The following PRKG1 variants were observed in gnomAD, a reference collection of about 807,000 sequenced individuals.
PRKG1 encodes the protein protein kinase cGMP-dependent 1, also known as cGMP-dependent protein kinase 1.
PRKG1 carries 35 observed loss-of-function variants against 88.1 expected under a neutral mutation model. That is an observed-to-expected ratio of 0.40 (90% CI 0.30 to 0.53). The LOEUF (loss-of-function observed/expected upper bound fraction) is 0.53, where lower values mean the gene tolerates loss of function less well. Ranked by LOEUF, PRKG1 falls within the 20% of genes least tolerant of loss-of-function variation. The pLI is 0.59. For missense variants in PRKG1, 540 were observed against 839.8 expected, an observed-to-expected ratio of 0.64 and a Z score of 4.41; for synonymous variants, 303 against 292.5, an observed-to-expected ratio of 1.04 and a Z score of -0.37.
intron 2 of PRKG1, among the ~76,000 whole-genome samples, chr10:51,424,532 T>A (rs947529255): frequency 1.5e-4 from 23 of 152,152 alleles, no homozygotes; most frequent in African/African-American, 5.3e-4. Context: ...AAGACTGCTT[T>A]GGAGGGTAGC....
chr10:51,003,145 T>C (rs955877256), intron 1 of PRKG1, among the ~76,000 whole-genome samples: 1 of 151,946 alleles, frequency 6.6e-6, no homozygotes. Context: ...TGGGTATGCT[T>C]TCTCGTGTCT....
intron 7 of PRKG1, among the ~76,000 whole-genome samples, chr10:52,068,202 CAAAAAAA>C (rs71032621): frequency 2.6e-5 from 1 of 38,848 alleles, no homozygotes; most frequent in Non-Finnish European, 4.7e-5. Flanking sequence ...AACTCCGTCT[CAAAAAAA>C]AAAAAAAAAA....
chr10:51,169,127 A>G (rs1846628473), intron 2 of PRKG1, among the ~76,000 whole-genome samples: 2 of 152,174 alleles, frequency 1.3e-5, no homozygotes, highest in African/African-American at 4.8e-5. Flanking sequence ...ATGGTTTTAT[A>G]CTGTGCTTAT....
chr10:52,043,503 T>C (rs1564444681), intron 5 of PRKG1, among the ~76,000 whole-genome samples: 1 of 152,054 alleles, frequency 6.6e-6, no homozygotes, highest in Non-Finnish European at 1.5e-5. Flanking sequence ...ATGTGAAATG[T>C]AAAATTTTGT....
At chr10:52,098,934 T>C (rs967741838) in intron 7 of PRKG1, among the ~76,000 whole-genome samples, 10 of 152,196 alleles carry the variant, frequency 6.6e-5, no homozygotes, top group Non-Finnish European at 1.0e-4. Context: ...AATCCAAATG[T>C]AAAGCTGTAT....
At chr10:51,863,149 A>T (rs997536242) in intron 4 of PRKG1, among the ~76,000 whole-genome samples, 1 of 152,164 alleles carries the variant, frequency 6.6e-6, no homozygotes, top group African/African-American at 2.4e-5. Context: ...ATCTCATGCT[A>T]ATCCAGATCA....
intron 2 of PRKG1, among the ~76,000 whole-genome samples, chr10:51,259,767 C>T (rs960134825): frequency 3.3e-5 from 5 of 152,158 alleles, no homozygotes; most frequent in East Asian, 3.9e-4. Flanking sequence ...TGAGCCACCG[C>T]GCCTGGCCCT....
intron 5 of PRKG1, among the ~76,000 whole-genome samples, chr10:52,011,518 CCCCCAACATATA>C (rs1438184810): frequency 6.6e-6 from 1 of 152,110 alleles, no homozygotes; most frequent in Non-Finnish European, 1.5e-5. Context: ...ACATTTATTT[CCCCCAACATATA>C]CCCTGCTTGC....
intron 3 of PRKG1, among the ~76,000 whole-genome samples, chr10:51,664,286 T>G (rs1317480609): frequency 6.6e-6 from 1 of 152,200 alleles, no homozygotes; most frequent in African/African-American, 2.4e-5. Context: ...TTAAGAAGAA[T>G]AATCATTTTT....
intron 4 of PRKG1, among the ~76,000 whole-genome samples, chr10:51,892,536 A>G (rs1295224561): frequency 6.6e-6 from 1 of 152,194 alleles, no homozygotes; most frequent in Non-Finnish European, 1.5e-5. Context: ...TTGGGAGATG[A>G]GAGGTTGAGC....
chr10:52,029,286 C>T (rs1196968750), intron 5 of PRKG1, among the ~76,000 whole-genome samples: 2 of 152,112 alleles, frequency 1.3e-5, no homozygotes, highest in Non-Finnish European at 2.9e-5. Flanking sequence ...AATTTCTTTC[C>T]ATTATAGTTG....
chr10:51,956,712 CCTCT>C (rs10664486), intron 5 of PRKG1, among the ~76,000 whole-genome samples: 1 of 151,470 alleles, frequency 6.6e-6, no homozygotes, highest in Non-Finnish European at 1.5e-5. Context: ...ATATAAAACT[CCTCT>C]CTCTCTTTTT....
intron 2 of PRKG1, among the ~76,000 whole-genome samples, chr10:51,162,123 G>T (rs1211142281): frequency 6.6e-6 from 1 of 152,142 alleles, no homozygotes; most frequent in Non-Finnish European, 1.5e-5. Flanking sequence ...CCTCTAATGA[G>T]AAAGCCTTGA....
At chr10:52,203,376 A>C (rs1839727147) in intron 9 of PRKG1, among the ~76,000 whole-genome samples, 1 of 152,082 alleles carries the variant, frequency 6.6e-6, no homozygotes, top group African/African-American at 2.4e-5. Flanking sequence ...ATGGTCTGAG[A>C]GTGTGGTGGA....
chr10:52,090,391 T>G (rs1847026890), intron 7 of PRKG1, among the ~76,000 whole-genome samples: 1 of 152,106 alleles, frequency 6.6e-6, no homozygotes, highest in South Asian at 2.1e-4. Context: ...TAAATGTTCA[T>G]AAGTCCCTAC....
intron 7 of PRKG1, among the ~76,000 whole-genome samples, chr10:52,078,774 C>T (rs12218769): frequency 0.17 from 26,140 of 152,208 alleles, 2,848 homozygotes; most frequent in South Asian, 0.28. Flanking sequence ...CTCCTTCTAG[C>T]AGTGTCTAAA....
At chr10:51,650,887 A>G (rs1301559276) in intron 3 of PRKG1, among the ~76,000 whole-genome samples, 1 of 152,114 alleles carries the variant, frequency 6.6e-6, no homozygotes, top group Non-Finnish European at 1.5e-5. Context: ...CTGTGTAATC[A>G]CTGGTACCTG....
chr10:52,025,398 GC>G (rs1367848867), intron 5 of PRKG1, among the ~76,000 whole-genome samples: 1 of 152,054 alleles, frequency 6.6e-6, no homozygotes, highest in African/African-American at 2.4e-5. Flanking sequence ...TGAAGTCCTT[GC>G]CCATGCCTAT....
At chr10:51,959,467 A>T (rs1035844968) in intron 5 of PRKG1, among the ~76,000 whole-genome samples, 1 of 152,172 alleles carries the variant, frequency 6.6e-6, no homozygotes, top group African/African-American at 2.4e-5. Flanking sequence ...GGTAGCATAC[A>T]AGAGACAAGA....
Sources: gnomAD v4.1 joint callset for allele counts (sites outside exome capture counted in the v4.1 genomes callset) on GRCh38, gnomAD v4.1.1 for gene constraint, MANE v1.5 for transcripts, NCBI Gene and HGNC (gene_info 2026-07-23, HGNC 2026-07-21) for gene names.